The following PLCB4 variants were observed in gnomAD, a reference collection of about 807,000 sequenced individuals.
PLCB4 encodes phospholipase C beta 4.
In PLCB4, 77 loss-of-function variants were observed where a neutral mutation model predicts 178.8. That is an observed-to-expected ratio of 0.43 (90% confidence interval 0.36 to 0.52). The LOEUF is 0.52. Ranked by LOEUF, PLCB4 falls within the 20% of genes least tolerant of loss-of-function variation. PLCB4 has a pLI of 0.00. For missense variants in PLCB4, 1,024 were observed against 1,453.4 expected (o/e 0.70, Z 4.80); for synonymous variants, 496 against 490.8 (o/e 1.01, Z -0.14).
chr20:9,418,810 T>G (rs2040430316), intron 25 of PLCB4, among the ~76,000 whole-genome samples: 1 of 152,186 alleles, frequency 6.6e-6, no homozygotes, highest in African/African-American at 2.4e-5. Context: ...GCAAGATGTC[T>G]TCCCATTTAT....
intron 7 of PLCB4, among the ~76,000 whole-genome samples, chr20:9,354,916 A>G (rs1051149949): frequency 4.6e-5 from 7 of 152,230 alleles, no homozygotes; most frequent in African/African-American, 1.7e-4. Context: ...TTTAGTTCAC[A>G]TCATCTAGTT....
rs111399051 is a variant in PLCB4, at chr20:9,395,507, G to A, written c.1415-16G>A. 24 of 1,586,884 alleles carry A rather than the reference G, an allele frequency of 1.5e-5. No individual in the cohort carries two copies. The highest frequency in any genetic ancestry group is 1.2e-4 in the African/African-American group (9 of 74,318). ...CTAGCATCTGTCACCATCTCTTTGC[G>A]TGTTTTTGCTAACAGAACAGCTGGA... On this transcript the variant is annotated splice_polypyrimidine_tract_variant and intron_variant, in intron 18 of 39. Transcript: ENST00000378473.
intron 2 of PLCB4, among the ~76,000 whole-genome samples, chr20:9,199,548 G>T (rs1285218671): frequency 6.6e-6 from 1 of 152,076 alleles, no homozygotes; most frequent in Admixed American, 6.6e-5. Flanking sequence ...CAGATGGTGG[G>T]GACACTGAAA....
chr20:9,155,419 A>C (rs2092771394), intron 2 of PLCB4, among the ~76,000 whole-genome samples: 2 of 152,176 alleles, frequency 1.3e-5, no homozygotes, highest in Non-Finnish European at 2.9e-5. Flanking sequence ...CTTTGTTGAA[A>C]AGAGCTGCAA....
At chr20:9,456,873 A>T (rs1467723134) in intron 33 of PLCB4, among the ~76,000 whole-genome samples, 5 of 152,236 alleles carry the variant, frequency 3.3e-5, no homozygotes, top group Admixed American at 2.6e-4. Flanking sequence ...CAAAAGGAAG[A>T]CATAATCACT....
chr20:9,342,484 A>G (rs902651444), intron 7 of PLCB4, among the ~76,000 whole-genome samples: 1 of 152,190 alleles, frequency 6.6e-6, no homozygotes, highest in Non-Finnish European at 1.5e-5. Flanking sequence ...TGGTCAGTTT[A>G]TCACAAAAGT....
intron 2 of PLCB4, among the ~76,000 whole-genome samples, chr20:9,131,201 A>C (rs1488091197): frequency 6.6e-6 from 1 of 152,072 alleles, no homozygotes; most frequent in Non-Finnish European, 1.5e-5. Context: ...TTGCCCCATC[A>C]ATTGATTTAT....
chr20:9,321,160 T>G (rs1400301405), intron 4 of PLCB4, among the ~76,000 whole-genome samples: 1 of 152,218 alleles, frequency 6.6e-6, no homozygotes, highest in African/African-American at 2.4e-5. Flanking sequence ...ACATCAGTCA[T>G]CTCTTTAAAC....
chr20:9,431,482 A>T (rs1007154194), intron 28 of PLCB4, among the ~76,000 whole-genome samples: 1 of 151,938 alleles, frequency 6.6e-6, no homozygotes, highest in East Asian at 1.9e-4. Context: ...TTTATTCTTT[A>T]TGAGACAGAG....
intron 3 of PLCB4, among the ~76,000 whole-genome samples, chr20:9,234,182 T>C (rs551782638): frequency 2.0e-5 from 3 of 152,224 alleles, no homozygotes; most frequent in African/African-American, 7.2e-5. Context: ...GGAAATTTAC[T>C]GAGATGGAAA....
chr20:9,358,739 C>CA (rs536990374), intron 7 of PLCB4, among the ~76,000 whole-genome samples: 19 of 148,424 alleles, frequency 1.3e-4, no homozygotes, highest in Admixed American at 9.4e-4. Flanking sequence ...ACTAAGAGTA[C>CA]AAAAAAAAAA....
intron 4 of PLCB4, among the ~76,000 whole-genome samples, chr20:9,312,105 G>A (rs190136737): frequency 2.4e-4 from 37 of 152,038 alleles, no homozygotes; most frequent in African/African-American, 8.2e-4. Flanking sequence ...GCATTCCGTT[G>A]GAATCTCCAG....
chr20:9,078,181 A>G (rs911679988), intron 1 of PLCB4, among the ~76,000 whole-genome samples: 4 of 151,864 alleles, frequency 2.6e-5, no homozygotes, highest in Non-Finnish European at 5.9e-5. Context: ...GGGTCTCGCT[A>G]TGTTGTCCAG....
chr20:9,454,327 T>C (rs552211315), intron 33 of PLCB4, among the ~76,000 whole-genome samples: 16 of 152,352 alleles, frequency 1.1e-4, no homozygotes. Context: ...CTTACAGGTT[T>C]CTGCACTGTC....
intron 2 of PLCB4, among the ~76,000 whole-genome samples, chr20:9,153,771 T>C (rs1184335275): frequency 6.6e-6 from 1 of 152,178 alleles, no homozygotes; most frequent in African/African-American, 2.4e-5. Flanking sequence ...GTGAATTCAC[T>C]CAGTGTTCTT....
chr20:9,446,259 A>G (rs754296811), intron 32 of PLCB4, among the ~76,000 whole-genome samples: 17 of 152,248 alleles, frequency 1.1e-4, no homozygotes, highest in Non-Finnish European at 1.9e-4. Context: ...CAAAATCAAG[A>G]GTCCAGAATC....
At chr20:9,246,904 A>G (rs908743985) in intron 3 of PLCB4, among the ~76,000 whole-genome samples, 1 of 152,200 alleles carries the variant, frequency 6.6e-6, no homozygotes, top group African/African-American at 2.4e-5. Context: ...AGAACAAAAC[A>G]TATAGGATTA....
At chr20:9,401,614 A>G (rs998080209) in intron 20 of PLCB4, 24 bp downstream of exon 20, 4 of 1,461,596 alleles carry the variant, frequency 2.7e-6, no homozygotes, top group Non-Finnish European at 3.8e-6. Flanking sequence ...TTCTTTCATC[A>G]CTCTCAAGAG....
At chr20:9,119,459 A>T (rs922654865) in intron 2 of PLCB4, among the ~76,000 whole-genome samples, 6 of 152,184 alleles carry the variant, frequency 3.9e-5, no homozygotes, top group African/African-American at 1.4e-4. Flanking sequence ...CATCATCACA[A>T]ATAGTTTAAT....
Sources: gnomAD v4.1 joint callset for allele counts (sites outside exome capture counted in the v4.1 genomes callset) on GRCh38, gnomAD v4.1.1 for gene constraint, MANE v1.5 for transcripts, NCBI Gene and HGNC (gene_info 2026-07-23, HGNC 2026-07-21) for gene names.